Variants in DRICH1 observed in about 807,000 individuals in gnomAD.
DRICH1 encodes aspartate rich 1.
In DRICH1, 38 loss-of-function variants were observed where a neutral mutation model predicts 39.5. The ratio of observed to expected loss-of-function variants is 0.96; its 90% confidence interval spans 0.74 to 1.26. The LOEUF is 1.26. DRICH1 is among the 50% of genes most tolerant of loss of function. DRICH1 has a pLI of 0.00. For synonymous variants in DRICH1, 84 were observed against 99.5 expected (o/e 0.84, Z 0.93); for missense variants, 279 against 270.4 (o/e 1.03, Z -0.22).
the DRICH1 span, among the ~76,000 whole-genome samples, chr22:23,596,854 T>C: frequency 6.6e-6 from 1 of 152,140 alleles, no homozygotes; most frequent in Non-Finnish European, 1.5e-5. Flanking sequence ...GTTGTAGATG[T>C]TGTCAGGTCT....
the DRICH1 span, among the ~76,000 whole-genome samples, chr22:23,592,301 T>G: frequency 1.3e-5 from 2 of 152,020 alleles, no homozygotes; most frequent in East Asian, 3.9e-4. Flanking sequence ...CAGGAGGCTG[T>G]GCACTGGGCC....
chr22:23,612,631 A>C (rs2045702339), intron 11 of DRICH1, among the ~76,000 whole-genome samples: 1 of 152,180 alleles, frequency 6.6e-6, no homozygotes, highest in African/African-American at 2.4e-5. Context: ...GGGAGAAAGA[A>C]GCCACATCTC....
At chr22:23,603,055 G>C in the DRICH1 span, among the ~76,000 whole-genome samples, 9 of 146,648 alleles carry the variant, frequency 6.1e-5, no homozygotes, top group Non-Finnish European at 1.0e-4. Context: ...GCCCAGGCTG[G>C]AGTGCAGTGG....
chr22:23,610,624 C>T (rs1172867899), intron 11 of DRICH1: 1 of 152,226 alleles, frequency 6.6e-6, no homozygotes. Flanking sequence ...CCAGGCTCCA[C>T]CACAGTCTCT....
At chr22:23,631,677 C>G in intron 1 of DRICH1, 139 bp downstream of exon 1, 2 of 682,234 alleles carry the variant, frequency 2.9e-6, no homozygotes, top group Non-Finnish European at 4.6e-6. Context: ...CTTTGTCCCC[C>G]ATGCCCAGAC....
chr22:23,613,415 A>G, intron 10 of DRICH1, 85 bp from the exon 11 acceptor site: 1 of 1,162,014 alleles, frequency 8.6e-7, no homozygotes, highest in South Asian at 1.2e-5. Context: ...AAGCTGAGTG[A>G]TGAGCTAGTC....
chr22:23,600,726 G>T, the DRICH1 span, among the ~76,000 whole-genome samples: 3 of 149,612 alleles, frequency 2.0e-5, no homozygotes, highest in African/African-American at 7.4e-5. Context: ...AGGCTGGAGT[G>T]CAGTGGTGCG....
At position 23,620,600 on chromosome 22, in the gene DRICH1, C is replaced by A. The variant is rs1236638426; in HGVS notation, c.400G>T (p.Val134Phe). The change falls in exon 5 of 12, where the codon GTC becomes TTC. Residue 134 changes from valine (V) to phenylalanine (F), a missense_variant. Transcript: ENST00000317749. ...GTTAGTTCAAGGTACATACCCTGGA[C>A]ACGTGACGGTAAAATCTGCAACGAG... ...DDDAQILPSR[V>F]QGGCYRFDSS... is the part of the protein sequence containing the mutation. 1.9e-6 allele frequency: 3 copies of A among 1,613,944 alleles called. No homozygotes were observed. Among genetic ancestry groups the A allele is most frequent in the African/African-American group, 1.3e-5 (1 of 75,014 alleles).
upstream of DRICH1, chr22:23,632,451 A>C: frequency 4.3e-6 from 1 of 234,348 alleles, no homozygotes; most frequent in Non-Finnish European, 8.4e-6. Flanking sequence ...ATGCCTCATA[A>C]TGCCTGTCCC....
At chr22:23,587,349 C>T in the DRICH1 span, among the ~76,000 whole-genome samples, 1 of 152,210 alleles carries the variant, frequency 6.6e-6, no homozygotes, top group African/African-American at 2.4e-5. Context: ...TAGGGTCACC[C>T]GATCCCAGAA....
chr22:23,601,175 C>T, the DRICH1 span, among the ~76,000 whole-genome samples: 2 of 151,990 alleles, frequency 1.3e-5, no homozygotes, highest in Non-Finnish European at 2.9e-5. Flanking sequence ...CACACACACA[C>T]ACGTGGAAAC....
At chr22:23,595,556 G>A in the DRICH1 span, among the ~76,000 whole-genome samples, 1 of 152,186 alleles carries the variant, frequency 6.6e-6, no homozygotes, top group Admixed American at 6.5e-5. Flanking sequence ...CTCTGAAAAT[G>A]TATCCTAAAA....
the DRICH1 span, among the ~76,000 whole-genome samples, chr22:23,590,365 C>T: frequency 6.6e-6 from 1 of 151,200 alleles, no homozygotes. Context: ...GCAACCTCCA[C>T]CTCTTGGGTT....
chr22:23,591,725 C>A, the DRICH1 span, among the ~76,000 whole-genome samples: 12 of 152,068 alleles, frequency 7.9e-5, no homozygotes, highest in Admixed American at 7.9e-4. Flanking sequence ...GGGGTGCTTG[C>A]GAAATCATTG....
intron 7 of DRICH1, 85 bp downstream of exon 7, chr22:23,617,490 C>A: frequency 1.4e-6 from 2 of 1,477,942 alleles, no homozygotes; most frequent in Non-Finnish European, 1.9e-6. Context: ...CTGCCTGAGT[C>A]CATTCTTTGG....
intron 6 of DRICH1, among the ~76,000 whole-genome samples, chr22:23,618,457 T>C (rs947694795): frequency 6.6e-6 from 1 of 152,200 alleles, no homozygotes; most frequent in African/African-American, 2.4e-5. Flanking sequence ...AAAAATTAAA[T>C]ATTAAAATAC....
intron 3 of DRICH1, 118 bp downstream of exon 3, chr22:23,624,765 G>T: frequency 2.4e-6 from 3 of 1,225,876 alleles, no homozygotes; most frequent in Non-Finnish European, 3.6e-6. Flanking sequence ...TACACTCGCA[G>T]AATCATTTGC....
chr22:23,605,998 T>C (rs1234584100), downstream of DRICH1, among the ~76,000 whole-genome samples: 1 of 149,336 alleles, frequency 6.7e-6, no homozygotes, highest in Non-Finnish European at 1.5e-5. Context: ...CGCTTGAACC[T>C]GGGAGGCGAA....
At chr22:23,613,978 G>C (rs1181646949) in intron 9 of DRICH1, among the ~76,000 whole-genome samples, 157 bp downstream of exon 9, 1 of 152,184 alleles carries the variant, frequency 6.6e-6, no homozygotes, top group African/African-American at 2.4e-5. Context: ...CCACATATAA[G>C]TTGGGAAGAC....
Sources: gnomAD v4.1 joint callset for allele counts (sites outside exome capture counted in the v4.1 genomes callset) on GRCh38, gnomAD v4.1.1 for gene constraint, MANE v1.5 for transcripts, NCBI Gene and HGNC (gene_info 2026-07-23, HGNC 2026-07-21) for gene names.